ZXDC: variants seen among roughly 807,000 people sequenced by gnomAD.
The protein encoded by ZXDC is ZXD family zinc finger C.
In ZXDC, 58 loss-of-function variants were observed where a neutral mutation model predicts 63.6. The ratio of observed to expected loss-of-function variants is 0.91; its 90% CI spans 0.74 to 1.13. ZXDC has a LOEUF of 1.13. Ranked by LOEUF, ZXDC falls within the 50% of genes most tolerant of loss-of-function variation. The pLI, the probability that ZXDC is intolerant of heterozygous loss-of-function variation, is 0.00. For missense variants in ZXDC, 1,133 were observed against 1,148.9 expected, an observed-to-expected ratio of 0.99 and a Z score of 0.20; for synonymous variants, 561 against 496.1, an observed-to-expected ratio of 1.13 and a Z score of -1.74.
Position 126,441,963 on chromosome 3 carries a change from A to C in ZXDC, c.2213-17T>G. On this transcript the variant is annotated splice_polypyrimidine_tract_variant and intron_variant, in intron 7 of 9. Coordinates refer to ENST00000389709, the MANE Select transcript of ZXDC (RefSeq NM_025112.5). ...GTGAGGCTCCTAAAATGAAATATAA[A>C]AACGAGCACACCCAATCTACAATCT... 1 of 1,576,072 alleles carries C rather than the reference A, an allele frequency of 6.3e-7. No homozygotes were observed. Among genetic ancestry groups the C allele is most frequent in the South Asian group, 1.2e-5 (1 of 84,856 alleles).
intron 9 of ZXDC, 95 bp downstream of exon 9, chr3:126,439,537 C>T (rs1933591384): frequency 6.5e-7 from 1 of 1,547,466 alleles, no homozygotes; most frequent in Non-Finnish European, 8.7e-7. Flanking sequence ...CACGCGGCCT[C>T]AGTGACCAGC....
chr3:126,474,060 G>A (rs1384920425), intron 1 of ZXDC, among the ~76,000 whole-genome samples: 1 of 147,428 alleles, frequency 6.8e-6, no homozygotes, highest in Admixed American at 6.7e-5. Context: ...ACAGGCAGTG[G>A]ACTTTTTTTT....
Position 126,475,488 on chromosome 3 carries a change from C to G in ZXDC, c.378G>C (p.Ala126=). ...AAPPGPGVAP[A]GAVTISSQDL... ...CCTGGCTGCTGATGGTGACGGCGCC[C>G]GCCGGGGCTACGCCAGGGCCGGGGG... Residue 126 remains alanine (A), a synonymous_variant, in exon 1 of 10, where the codon GCG becomes GCC. Coordinates refer to ENST00000389709, the MANE Select transcript of ZXDC (RefSeq NM_025112.5). 3 of 1,220,116 alleles carry G rather than the reference C, an allele frequency of 2.5e-6. No individual in the cohort carries two copies. The East Asian group carries it at 1.0e-4, about 42-fold the overall frequency. The allele number at this position is 1,220,116 out of a possible 1,614,324, so 75.6% of individuals were successfully genotyped here.
intron 4 of ZXDC, among the ~76,000 whole-genome samples, chr3:126,467,487 C>T (rs949334340): frequency 3.4e-4 from 51 of 152,116 alleles, no homozygotes; most frequent in Admixed American, 1.3e-4. Context: ...CTTCTTAAGA[C>T]GGTGGGGTGG....
intron 7 of ZXDC, chr3:126,452,316 T>C (rs1934139445): frequency 2.0e-6 from 2 of 985,432 alleles, no homozygotes; most frequent in Non-Finnish European, 2.4e-6. Flanking sequence ...GACTTCTGCA[T>C]GAAATCGCAC....
Position 126,466,262 on chromosome 3 carries a change from T to A in ZXDC, c.1334A>T (p.Asp445Val). 2 of 1,614,160 alleles carry A rather than the reference T, an allele frequency of 1.2e-6. No homozygotes were observed. Among genetic ancestry groups the A allele is most frequent in the Non-Finnish European group, 8.5e-7 (1 of 1,180,030 alleles). The change falls in exon 5 of 10, where the codon GAT becomes GTT. Residue 445 changes from aspartate (D) to valine (V), a missense_variant. Physicochemically the swap from Asp to Val is radical, Grantham distance 152. Transcript: ENST00000389709. Reference sequence around the variant, plus strand: ...GCAACGGCTTTTCGGAGCACCCACATCCTGCACGTGTTTCTTAGAGTGAAT... The same window carrying A: ...GCAACGGCTTTTCGGAGCACCCACAACCTGCACGTGTTTCTTAGAGTGAAT... The part of the protein sequence containing the change: ...LYIHSKKHVQ[D>V]VGAPKSRCPV...
intron 4 of ZXDC, 134 bp from the exon 5 acceptor site, chr3:126,466,459 A>G (rs1313615583): frequency 2.2e-6 from 2 of 900,742 alleles, no homozygotes; most frequent in Admixed American, 5.3e-5. Flanking sequence ...CAGAGACCAA[A>G]TATCTCTAGA....
chr3:126,439,505 C>T (rs1933589825), intron 9 of ZXDC, 127 bp downstream of exon 9: 9 of 1,498,262 alleles, frequency 6.0e-6, no homozygotes, highest in African/African-American at 1.4e-5. Context: ...TCCTGGCAAC[C>T]AACCCACTGA....
At position 126,440,011 on chromosome 3, in the gene ZXDC, C is replaced by G. The variant is rs992686882; in HGVS notation, c.2395-284G>C. 7.0e-6 allele frequency: 9 copies of G among 1,293,808 alleles called. No homozygotes were observed. The East Asian group carries it at 2.5e-4, about 36-fold the overall frequency. The allele number at this position is 1,293,808 out of a possible 1,614,324, so 80.1% of individuals were successfully genotyped here. ...CTCAGTCAGCCCAAATACTGATTTCCCTCCTAAGGCACGCTCCTCAACTCC... is the reference window on the plus strand; with the variant it reads ...CTCAGTCAGCCCAAATACTGATTTCGCTCCTAAGGCACGCTCCTCAACTCC... On this transcript the variant is annotated intron_variant, in intron 8 of 9. Coordinates refer to ENST00000389709, the MANE Select transcript of ZXDC (RefSeq NM_025112.5).
chr3:126,470,639 C>T (rs1934946874), intron 4 of ZXDC, among the ~76,000 whole-genome samples: 1 of 152,128 alleles, frequency 6.6e-6, no homozygotes, highest in African/African-American at 2.4e-5. Flanking sequence ...TCACGACCAC[C>T]AAATTAAACA....
At chr3:126,465,869 T>G (rs904561943) in intron 5 of ZXDC, among the ~76,000 whole-genome samples, 2 of 152,076 alleles carry the variant, frequency 1.3e-5, no homozygotes, top group East Asian at 3.9e-4. Flanking sequence ...GAGGATCACT[T>G]GAGCAGGAGC....
At chr3:126,439,779 A>T (rs1799404) in intron 8 of ZXDC, 52 bp from the exon 9 acceptor site, 9 of 1,523,802 alleles carry the variant, frequency 5.9e-6, no homozygotes, top group Middle Eastern at 3.4e-4. Flanking sequence ...AGTGCAGCAA[A>T]GGTCCTCGTC....
At chr3:126,456,290 G>A (rs1276485894) in intron 7 of ZXDC, among the ~76,000 whole-genome samples, 1 of 152,254 alleles carries the variant, frequency 6.6e-6, no homozygotes, top group African/African-American at 2.4e-5. Flanking sequence ...GGAAAGTCCT[G>A]CCTGGTAAGA....
intron 7 of ZXDC, among the ~76,000 whole-genome samples, chr3:126,447,855 T>C (rs1465561560): frequency 6.6e-6 from 1 of 152,224 alleles, no homozygotes; most frequent in Non-Finnish European, 1.5e-5. Context: ...GCTGTCCATG[T>C]GCTGGTATTT....
chr3:126,470,339 C>T (rs530929148), intron 4 of ZXDC, among the ~76,000 whole-genome samples: 6 of 152,116 alleles, frequency 3.9e-5, no homozygotes, highest in African/African-American at 9.7e-5. Flanking sequence ...TGGTGGCATA[C>T]GCCTGTAGTC....
Position 126,475,371 on chromosome 3 carries a change from G to A in ZXDC, c.495C>T (p.Pro165=). The A allele has an allele frequency of 7.9e-7, 1 of 1,266,970 alleles. No individual in the cohort carries two copies. The highest frequency in any genetic ancestry group is 1.0e-6 in the Non-Finnish European group (1 of 1,004,730). 78.5% of individuals were successfully genotyped at this position (1,266,970 alleles called of 1,614,324 possible). A position where few individuals can be genotyped will look rare whatever the true frequency, so the allele number is the denominator to read the frequency against. The change falls in exon 1 of 10, where the codon CCC becomes CCT. Residue 165 remains proline, a synonymous_variant. Coordinates refer to ENST00000389709, the MANE Select transcript of ZXDC (RefSeq NM_025112.5). ...CGGGCGTGCTGGGGCCGGAGGCCTG[G>A]GGCGCGCGGCGGGGAGCGGCGGCGC... ...TAGAAAPRRA[P]QASGPSTPGY...
intron 7 of ZXDC, 127 bp downstream of exon 7, chr3:126,459,524 TAA>T: frequency 6.6e-7 from 1 of 1,508,832 alleles, no homozygotes. Flanking sequence ...AAGGAGTTGA[TAA>T]AAGGGTATTC....
chr3:126,450,360 T>C (rs763133113), intron 7 of ZXDC: 15 of 456,622 alleles, frequency 3.3e-5, no homozygotes, highest in Non-Finnish European at 6.2e-5. Context: ...GTCTGCAATC[T>C]GCTTTCCTCC....
chr3:126,474,882 C>A (rs1935122284), intron 1 of ZXDC, 77 bp downstream of exon 1: 30 of 1,467,166 alleles, frequency 2.0e-5, no homozygotes, highest in Non-Finnish European at 2.6e-5. Flanking sequence ...CTGGCAGGCC[C>A]CTCTGTGGGG....
Sources: gnomAD v4.1 joint callset for allele counts (sites outside exome capture counted in the v4.1 genomes callset) on GRCh38, gnomAD v4.1.1 for gene constraint, MANE v1.5 for transcripts, NCBI Gene and HGNC (gene_info 2026-07-23, HGNC 2026-07-21) for gene names.